FGD4: variants seen among roughly 807,000 people sequenced by gnomAD.
FGD4 encodes the protein FYVE, RhoGEF and PH domain containing 4.
A neutral mutation model predicts 102.0 loss-of-function variants in FGD4; 42 were observed. The ratio of observed to expected loss-of-function variants is 0.41; its 90% CI spans 0.32 to 0.53. FGD4 has a LOEUF of 0.53. Ranked by LOEUF, FGD4 falls within the 20% of genes least tolerant of loss-of-function variation. The pLI is 0.21. For missense variants in FGD4, 902 were observed against 1,078.2 expected (o/e 0.84, Z 2.29); for synonymous variants, 380 against 375.7 (o/e 1.01, Z -0.13).
At chr12:32,617,362 A>G (rs114430182) in intron 10 of FGD4, among the ~76,000 whole-genome samples, 2,912 of 152,334 alleles carry the variant, frequency 0.019, 81 homozygotes, top group African/African-American at 0.067. Context: ...TTGAACACAG[A>G]ACGAGCACTA....
In FGD4 at chr12:32,530,795, T is replaced by C. The variant is rs563628565; in HGVS notation, c.167-33342T>C. On this transcript the variant is annotated intron_variant, in intron 1 of 16. Transcript: ENST00000534526. ...GTATGGGGAATTAATTAGATCACTTTTAATAAATTTGCCAAGTTTTTTGTA... is the reference window on the plus strand; with the variant it reads ...GTATGGGGAATTAATTAGATCACTTCTAATAAATTTGCCAAGTTTTTTGTA... 2.0e-5 allele frequency among the ~76,000 whole-genome samples: 3 copies of C among 152,270 alleles called. No homozygotes were observed. In the South Asian group the frequency reaches 6.2e-4, roughly 32 times the overall value.
At chr12:32,601,250 G>A (rs1948405172) in intron 5 of FGD4, 28 bp from the exon 6 acceptor site, 2 of 1,607,152 alleles carry the variant, frequency 1.2e-6, no homozygotes, top group African/African-American at 2.7e-5. Flanking sequence ...TAAATGTGAA[G>A]TAATGCTTAC....
intron 1 of FGD4, among the ~76,000 whole-genome samples, chr12:32,488,329 A>C (rs1943976992): frequency 6.6e-6 from 1 of 152,198 alleles, no homozygotes; most frequent in South Asian, 2.1e-4. Context: ...GTTACTTATA[A>C]ATTCTTAAGT....
chr12:32,453,214 A>ATCTC (rs1565749028), intron 1 of FGD4, among the ~76,000 whole-genome samples: 13 of 52,140 alleles, frequency 2.5e-4, no homozygotes, highest in African/African-American at 6.3e-4. Flanking sequence ...ATATATATAT[A>ATCTC]TATATAATAT....
intron 1 of FGD4, among the ~76,000 whole-genome samples, chr12:32,437,547 C>G (rs764462553): frequency 6.6e-6 from 1 of 152,198 alleles, no homozygotes; most frequent in Non-Finnish European, 1.5e-5. Flanking sequence ...CTTCACTACA[C>G]GGATATCCGT....
At chr12:32,497,919 T>C (rs1937922000) in intron 1 of FGD4, among the ~76,000 whole-genome samples, 1 of 152,222 alleles carries the variant, frequency 6.6e-6, no homozygotes, top group Non-Finnish European at 1.5e-5. Flanking sequence ...TTTTTCTTCT[T>C]CTCGACTCAG....
At chr12:32,591,374 C>T (rs1947463761) in intron 4 of FGD4, among the ~76,000 whole-genome samples, 1 of 152,142 alleles carries the variant, frequency 6.6e-6, no homozygotes, top group Non-Finnish European at 1.5e-5. Flanking sequence ...GAAAATTCTT[C>T]CTACCTAAAA....
intron 14 of FGD4, among the ~76,000 whole-genome samples, chr12:32,631,280 G>A (rs183211589): frequency 1.3e-5 from 2 of 152,150 alleles, no homozygotes; most frequent in African/African-American, 4.8e-5. Context: ...TTTTTGGAGG[G>A]CCTTGTAAAC....
At chr12:32,590,273 G>A (rs1461416732) in intron 4 of FGD4, among the ~76,000 whole-genome samples, 2 of 143,528 alleles carry the variant, frequency 1.4e-5, no homozygotes, top group East Asian at 2.0e-4. Flanking sequence ...TCGCGCCATC[G>A]CACTCCAGCC....
chr12:32,465,058 G>C (rs1007948142), intron 1 of FGD4, among the ~76,000 whole-genome samples: 7 of 152,100 alleles, frequency 4.6e-5, no homozygotes, highest in Non-Finnish European at 1.0e-4. Flanking sequence ...ATGGAAATTA[G>C]AGGAACAGGA....
At chr12:32,563,348 C>T (rs1944847974) in intron 1 of FGD4, among the ~76,000 whole-genome samples, 1 of 150,106 alleles carries the variant, frequency 6.7e-6, no homozygotes. Flanking sequence ...AGGGGCGCTC[C>T]TCACATCCCA....
chr12:32,598,394 T>C, intron 4 of FGD4, 103 bp from the exon 5 acceptor site: 2 of 805,800 alleles, frequency 2.5e-6, no homozygotes, highest in Non-Finnish European at 4.0e-6. Flanking sequence ...CTGAAAAGCT[T>C]GAGAAAACTG....
At chr12:32,445,254 C>T (rs1310078461) in intron 1 of FGD4, among the ~76,000 whole-genome samples, 2 of 152,106 alleles carry the variant, frequency 1.3e-5, no homozygotes, top group African/African-American at 4.8e-5. Context: ...AGAAAGAAAT[C>T]CTTTGAAAGG....
chr12:32,484,581 C>A (rs1257481563), intron 1 of FGD4, among the ~76,000 whole-genome samples: 1 of 151,988 alleles, frequency 6.6e-6, no homozygotes. Context: ...ACTAAAATAC[C>A]CCTTTTTAGG....
chr12:32,599,192 A>G (rs375398595), intron 5 of FGD4, among the ~76,000 whole-genome samples: 1 of 152,142 alleles, frequency 6.6e-6, no homozygotes, highest in Non-Finnish European at 1.5e-5. Context: ...GTCTAAGAAC[A>G]TATTATAAGA....
rs1287096881 is a variant in FGD4 at position 32,645,327 on chromosome 12, TGTGA to T, written c.*4799_*4802del. The T allele has an allele frequency of 6.6e-6, 1 of 152,130 alleles. No homozygotes were observed. The highest frequency in any genetic ancestry group is 1.9e-4 in the East Asian group (1 of 5,196). The allele number at this position is 152,130 out of a possible 1,614,324, so 9.4% of individuals were successfully genotyped here. On this transcript the variant is annotated 3_prime_UTR_variant, in exon 17 of 17. Transcript: ENST00000534526. ...TTTTAACCAAACTAGCATTTCATTT[TGTGA>T]GTGACAATTGACATTTTAAAATAAG...
intron 8 of FGD4, among the ~76,000 whole-genome samples, chr12:32,608,897 T>C (rs1012593459): frequency 1.3e-5 from 2 of 152,108 alleles, no homozygotes; most frequent in Non-Finnish European, 1.5e-5. Flanking sequence ...CTTTTCTTTT[T>C]AAATTATTAT....
intron 1 of FGD4, among the ~76,000 whole-genome samples, chr12:32,446,028 G>C (rs898164892): frequency 1.3e-5 from 2 of 152,106 alleles, no homozygotes; most frequent in African/African-American, 4.8e-5. Context: ...TTAGCCCGGT[G>C]TGTAGTCCCA....
At chr12:32,608,940 A>T (rs1013537992) in intron 8 of FGD4, among the ~76,000 whole-genome samples, 8 of 152,182 alleles carry the variant, frequency 5.3e-5, no homozygotes, top group African/African-American at 1.4e-4. Context: ...ATTTTGACAC[A>T]GAGTCACACC....
Sources: allele counts gnomAD v4.1 joint callset (sites outside exome capture counted in the v4.1 genomes callset), GRCh38; gene constraint gnomAD v4.1.1; transcripts MANE v1.5; gene names NCBI Gene and HGNC (gene_info 2026-07-23, HGNC 2026-07-21).